Variants in DLG5 observed in about 807,000 individuals in gnomAD.
DLG5 encodes discs large MAGUK scaffold protein 5, also known as disks large homolog 5.
A neutral mutation model predicts 189.8 loss-of-function variants in DLG5; 48 were observed. The ratio of observed to expected loss-of-function variants is 0.25; its 90% CI spans 0.20 to 0.32. DLG5 has a LOEUF of 0.32. DLG5 is among the 10% of genes least tolerant of loss of function. The pLI, the probability that DLG5 is intolerant of heterozygous loss-of-function variation, is 1.00. For missense variants in DLG5, 2,160 were observed against 2,544.7 expected (o/e 0.85, Z 3.25); for synonymous variants, 1,016 against 1,054.1 (o/e 0.96, Z 0.70).
At chr10:77,916,932 T>TATA (rs1846376937) in intron 1 of DLG5, among the ~76,000 whole-genome samples, 1 of 146,428 alleles carries the variant, frequency 6.8e-6, no homozygotes, top group African/African-American at 2.5e-5. Flanking sequence ...TATATGAATA[T>TATA]TATTCGGCCT....
intron 1 of DLG5, among the ~76,000 whole-genome samples, chr10:77,890,215 AGAG>A (rs1398567499): frequency 6.6e-6 from 1 of 152,218 alleles, no homozygotes; most frequent in African/African-American, 2.4e-5. Flanking sequence ...AGCTTCTCAA[AGAG>A]GGATGCCCCT....
At chr10:77,862,027 G>A (rs1044010887) in intron 2 of DLG5, among the ~76,000 whole-genome samples, 7 of 152,086 alleles carry the variant, frequency 4.6e-5, no homozygotes, top group African/African-American at 1.2e-4. Context: ...GATGTGCTAC[G>A]CCCAGAAGTT....
At chr10:77,808,430 C>T in intron 24 of DLG5, among the ~76,000 whole-genome samples, 1 of 152,180 alleles carries the variant, frequency 6.6e-6, no homozygotes, top group Non-Finnish European at 1.5e-5. Context: ...CCACACCTGG[C>T]TAATTTTTTT....
In DLG5 at chr10:77,821,222, G is replaced by A; in HGVS notation, c.3262C>T (p.Leu1088=). 1.2e-6 allele frequency: 2 copies of A among 1,614,166 alleles called. No homozygotes were observed. Among genetic ancestry groups the A allele is most frequent in the South Asian group, 1.1e-5 (1 of 91,092 alleles). ...YPEGDGDSSH[L]PAKKSCDEDL... ...TCATCACAGGATTTCTTGGCCGGCA[G>A]GTGGGAGGAGTCCCCATCTCCTTCA... The change falls in exon 15 of 32, where the codon CTG becomes TTG. Residue 1088 remains leucine, a synonymous_variant. Coordinates refer to ENST00000372391, the MANE Select transcript of DLG5 (RefSeq NM_004747.4).
In DLG5 at chr10:77,794,972, T is replaced by G; in HGVS notation, c.5437-14A>C. The G allele has an allele frequency of 6.2e-7, 1 of 1,610,136 alleles. No homozygotes were observed. Among genetic ancestry groups the G allele is most frequent in the Middle Eastern group, 1.7e-4 (1 of 5,924 alleles). On this transcript the variant is annotated splice_polypyrimidine_tract_variant and intron_variant, in intron 29 of 31. Coordinates refer to ENST00000372391, the MANE Select transcript of DLG5 (RefSeq NM_004747.4). ...GCAGTGTCGGTTCTGGGGTGGGGGG[T>G]GCAGAGTGAGCCCTGGCGGGCAGTG...
Position 77,888,041 on chromosome 10 carries a change from A to G in DLG5, c.305-18844T>C, listed in dbSNP as rs573989778. Among the ~76,000 whole-genome samples the G allele has an allele frequency of 2.0e-5, 3 of 152,328 alleles. No individual in the cohort carries two copies. In the South Asian group the frequency reaches 6.2e-4, roughly 32 times the overall value. ...TGCTGGGCTCCCAACTTCTTAGTTT[A>G]AATGGAAACTGTCAGACAGGATTTT... On this transcript the variant is annotated intron_variant, in intron 1 of 31. Coordinates refer to ENST00000372391, the MANE Select transcript of DLG5 (RefSeq NM_004747.4).
At chr10:77,906,926 C>T (rs1251299923) in intron 1 of DLG5, among the ~76,000 whole-genome samples, 1 of 152,034 alleles carries the variant, frequency 6.6e-6, no homozygotes, top group Non-Finnish European at 1.5e-5. Context: ...GCGCCTGGCC[C>T]AGAGCTCCAC....
rs373700173 is a variant in DLG5 at position 77,914,902 on chromosome 10, T to C, written c.304+11315A>G. On this transcript the variant is annotated intron_variant, in intron 1 of 31. Coordinates refer to ENST00000372391, the MANE Select transcript of DLG5 (RefSeq NM_004747.4). ...CTAGTCTCTAGAGCAATTCAAAGAA[T>C]AATGATCACAAAACCAGGCTTCATT... Among the ~76,000 whole-genome samples, 24 of 152,294 alleles carry C rather than the reference T, an allele frequency of 1.6e-4. 4 individuals are homozygous for C. The highest frequency in any genetic ancestry group is 9.6e-4 in the East Asian group (5 of 5,184).
At position 77,856,841 on chromosome 10, in the gene DLG5, A is replaced by G. The variant is rs1420140880; in HGVS notation, c.425T>C (p.Val142Ala). The G allele has an allele frequency of 8.1e-6, 13 of 1,613,002 alleles. No individual in the cohort carries two copies. Among genetic ancestry groups the G allele is most frequent in the Non-Finnish European group, 7.6e-6 (9 of 1,179,976 alleles). The change falls in exon 3 of 32, where the codon GTG becomes GCG. Residue 142 changes from valine to alanine, a missense_variant. Transcript: ENST00000372391. ...SPPPLLTDQQ[V>A]NEKVENLSIQ... ...GGAGAGGTTCTCCACCTTCTCATTC[A>G]CTTGCTGGTCAGTGAGGAGGGGTGG... is the stretch of plus-strand genomic sequence containing the variant.
At chr10:77,816,895 T>C in intron 19 of DLG5, 112 bp downstream of exon 19, 4 of 1,427,520 alleles carry the variant, frequency 2.8e-6, no homozygotes, top group Non-Finnish European at 3.9e-6. Context: ...CAGTGAATTT[T>C]TACTGACTGA....
rs1265346307 is a variant in DLG5, at chr10:77,830,311, T to C, written c.1915A>G (p.Met639Val). 1.2e-6 allele frequency: 2 copies of C among 1,614,162 alleles called. No individual in the cohort carries two copies. The highest frequency in any genetic ancestry group is 2.2e-5 in the East Asian group (1 of 44,884). ...DIDLKALGFD[M>V]AEGVNEPCFP... ...CAAGGCTCATTCACACCTTCTGCCA[T>C]ATCAAACCCCAGTGCCTTCAAGTCA... The change falls in exon 11 of 32, where the codon ATG (methionine) becomes GTG (valine). Residue 639 changes from methionine (M) to valine (V), a missense_variant. Around this residue, in one of 5 missense-constraint regions of DLG5, gnomAD observed 107 missense variants for 214.5 expected, o/e 0.50. Transcript: ENST00000372391.
rs754586894 is a variant in DLG5 at position 77,829,546 on chromosome 10, G to A, written c.2010-16C>T. ...GTCATTGACCCTGAGAAAGGGCACA[G>A]CCAGTTCAGCACCCACACAGGCTGT... On this transcript the variant is annotated splice_polypyrimidine_tract_variant and intron_variant, in intron 11 of 31. Coordinates refer to ENST00000372391, the MANE Select transcript of DLG5 (RefSeq NM_004747.4). The A allele has an allele frequency of 6.3e-7, 1 of 1,586,998 alleles. No individual in the cohort carries two copies. The highest frequency in any genetic ancestry group is 8.6e-7 in the Non-Finnish European group (1 of 1,164,354).
In DLG5 at chr10:77,835,812, C is replaced by T. The variant is rs200945071; in HGVS notation, c.1548G>A (p.Ala516=). The T allele has an allele frequency of 5.3e-5, 85 of 1,614,014 alleles. No homozygotes were observed. The highest frequency in any genetic ancestry group is 3.3e-4 in the Middle Eastern group (2 of 6,082). ...CQELKEALQE[A]DVAKCRRDWA... is the part of the protein sequence containing the mutation. ...AGTCCCGCCGGCACTTGGCCACATCCGCCTCCTGGAGGGCTTCCTTCAGCT... is the reference window on the plus strand; with the variant it reads ...AGTCCCGCCGGCACTTGGCCACATCTGCCTCCTGGAGGGCTTCCTTCAGCT... Residue 516 remains alanine, a synonymous_variant, in exon 8 of 32, where the codon GCG becomes GCA. Coordinates refer to ENST00000372391, the MANE Select transcript of DLG5 (RefSeq NM_004747.4).
chr10:77,825,632 T>C (rs1842597054), intron 13 of DLG5, among the ~76,000 whole-genome samples: 1 of 152,022 alleles, frequency 6.6e-6, no homozygotes, highest in Non-Finnish European at 1.5e-5. Context: ...CTCGGCTCGC[T>C]GCAACCTCCG....
upstream of DLG5, chr10:77,926,872 C>CCG (rs1484452585): frequency 9.5e-6 from 3 of 317,156 alleles, no homozygotes; most frequent in East Asian, 1.6e-4. The surrounding 1 kb of genome is among the most constrained non-coding windows in gnomAD (Gnocchi z 5.2). Flanking sequence ...CCCTCAGCCT[C>CCG]CGCGCGCGCC....
intron 1 of DLG5, among the ~76,000 whole-genome samples, chr10:77,918,018 C>CAA (rs946645342): frequency 1.3e-4 from 15 of 117,350 alleles, no homozygotes; most frequent in African/African-American, 5.2e-4. Context: ...AACTCTGTCT[C>CAA]AAAAAAAAAA....
chr10:77,854,155 G>A, intron 4 of DLG5, 72 bp downstream of exon 4: 18 of 1,565,466 alleles, frequency 1.1e-5, no homozygotes, highest in Non-Finnish European at 1.4e-5. Flanking sequence ...TGGCTACTAA[G>A]TCCAGAGAAA....
chr10:77,902,934 C>T (rs911309873), intron 1 of DLG5, among the ~76,000 whole-genome samples: 11 of 150,986 alleles, frequency 7.3e-5, no homozygotes, highest in African/African-American at 2.2e-4. Flanking sequence ...TCATTCTGGG[C>T]GACAGAGCGA....
chr10:77,885,880 G>T (rs1455996376), intron 1 of DLG5, among the ~76,000 whole-genome samples: 1 of 152,184 alleles, frequency 6.6e-6, no homozygotes, highest in Admixed American at 6.5e-5. Context: ...AGTGAAACAA[G>T]CCCACAACTC....
Sources: gnomAD v4.1 joint callset for allele counts (sites outside exome capture counted in the v4.1 genomes callset) on GRCh38, gnomAD v4.1.1 for gene constraint, gnomAD v4.1.1 regional missense constraint, Gnocchi (gnomAD v3.1) non-coding constraint, MANE v1.5 for transcripts, NCBI Gene and HGNC (gene_info 2026-07-23, HGNC 2026-07-21) for gene names.